LAMA4: variants seen among roughly 807,000 people sequenced by gnomAD.
LAMA4 encodes the protein laminin subunit alpha 4.
Under a neutral mutation model 207.1 loss-of-function variants are expected in LAMA4, and 127 were observed. The observed-to-expected ratio is 0.61, with a 90% CI of 0.53 to 0.71. LAMA4 has a LOEUF of 0.71. Ranked by LOEUF, LAMA4 falls within the 30% of genes least tolerant of loss-of-function variation. The pLI is 0.00. For synonymous variants in LAMA4, 761 were observed against 816.0 expected (o/e 0.93, Z 1.15); for missense variants, 2,093 against 2,246.5 (o/e 0.93, Z 1.38).
chr6:112,114,792 G>T (rs781980492), intron 36 of LAMA4, 36 bp from the exon 37 acceptor site: 1 of 1,396,872 alleles, frequency 7.2e-7, no homozygotes, highest in Non-Finnish European at 1.0e-6. Context: ...GATTTAGTTT[G>T]TCCTCATTGT....
intron 31 of LAMA4, among the ~76,000 whole-genome samples, chr6:112,126,780 T>TA (rs1778716692): frequency 6.6e-6 from 1 of 152,202 alleles, no homozygotes; most frequent in African/African-American, 2.4e-5. Context: ...AAATGCAAAC[T>TA]AAAACCTCAA....
intron 2 of LAMA4, among the ~76,000 whole-genome samples, chr6:112,221,038 G>A (rs775267469): frequency 5.5e-4 from 84 of 152,004 alleles, no homozygotes; most frequent in Non-Finnish European, 1.1e-3. Context: ...TTACATACTC[G>A]AATAGATCTT....
intron 9 of LAMA4, among the ~76,000 whole-genome samples, chr6:112,184,237 T>A (rs73538594): frequency 0.055 from 8,339 of 151,612 alleles, 578 homozygotes; most frequent in African/African-American, 0.16. Context: ...TTTTTGTTGA[T>A]CATGAGAATT....
Position 112,109,598 on chromosome 6 carries a change from A to T in LAMA4, c.5327-16T>A. The T allele has an allele frequency of 6.2e-7, 1 of 1,613,994 alleles. No homozygotes were observed. Among genetic ancestry groups the T allele is most frequent in the Non-Finnish European group, 8.5e-7 (1 of 1,179,904 alleles). The stretch of plus-strand genomic sequence containing the variant: ...AGTAGAGATTCTGAAAAGAGCAAGA[A>T]ATAAAAACAAAGATTGCAATTGAGG... On this transcript the variant is annotated splice_polypyrimidine_tract_variant and intron_variant, in intron 38 of 38. Transcript: ENST00000230538.
intron 19 of LAMA4, among the ~76,000 whole-genome samples, chr6:112,143,284 C>CTTTTT (rs61620762): frequency 4.8e-5 from 6 of 124,886 alleles, no homozygotes; most frequent in African/African-American, 1.3e-4. Context: ...AAAACTAATA[C>CTTTTT]TTTTTTTTTT....
At chr6:112,154,270 A>G (rs1302852829) in intron 16 of LAMA4, among the ~76,000 whole-genome samples, 1 of 151,482 alleles carries the variant, frequency 6.6e-6, no homozygotes, top group African/African-American at 2.4e-5. Flanking sequence ...ACTTCAGCAG[A>G]TGCAAACACT....
chr6:112,238,804 T>A (rs782160331), intron 2 of LAMA4, among the ~76,000 whole-genome samples: 1 of 152,220 alleles, frequency 6.6e-6, no homozygotes, highest in Non-Finnish European at 1.5e-5. Flanking sequence ...TTGCTTAAAG[T>A]TAAAACAGGG....
intron 13 of LAMA4, among the ~76,000 whole-genome samples, chr6:112,162,868 A>G (rs1228751811): frequency 6.6e-6 from 1 of 151,458 alleles, no homozygotes; most frequent in African/African-American, 2.4e-5. Flanking sequence ...AGCTAGGGAG[A>G]GAGTATAGGT....
intron 31 of LAMA4, 59 bp from the exon 32 acceptor site, chr6:112,122,260 T>C: frequency 8.2e-7 from 1 of 1,226,598 alleles, no homozygotes; most frequent in East Asian, 2.4e-5. Flanking sequence ...AAAAGTAATT[T>C]GTGATGTCCT....
At chr6:112,246,529 T>C in intron 2 of LAMA4, among the ~76,000 whole-genome samples, 1 of 151,648 alleles carries the variant, frequency 6.6e-6, no homozygotes, top group East Asian at 1.9e-4. Flanking sequence ...GCTTTTTTTT[T>C]TTTTTTTTTG....
rs1554334982 is a variant in LAMA4, at chr6:112,148,248, G to T, written c.2262C>A (p.Pro754=). ...TTMEVQQATA[P]MANNLTNWSQ... ...ACCAGTTGGTTAGATTGTTGGCCAT[G>T]GGGGCAGTGGCCTGCTGCACCTCCA... The change falls in exon 18 of 39, where the codon CCC becomes CCA. Residue 754 remains proline, a synonymous_variant. Transcript: ENST00000230538. 2 of 1,614,094 alleles carry T rather than the reference G, an allele frequency of 1.2e-6. No homozygotes were observed. The highest frequency in any genetic ancestry group is 2.2e-5 in the East Asian group (1 of 44,880).
chr6:112,119,095 T>C, intron 34 of LAMA4, 61 bp downstream of exon 34: 1 of 1,546,878 alleles, frequency 6.5e-7, no homozygotes, highest in East Asian at 2.2e-5. Context: ...GACGAGGGCC[T>C]CAATTAGATG....
chr6:112,134,704 T>A, intron 25 of LAMA4, 95 bp from the exon 26 acceptor site: 1 of 972,694 alleles, frequency 1.0e-6, no homozygotes, highest in Non-Finnish European at 1.6e-6. Flanking sequence ...GTATACTAGC[T>A]GTTCTTCCAT....
Position 112,142,191 on chromosome 6 carries a change from C to A in LAMA4, c.2595G>T (p.Met865Ile), listed in dbSNP as rs200303850. 6 of 1,614,124 alleles carry A rather than the reference C, an allele frequency of 3.7e-6. No individual in the cohort carries two copies. In the East Asian group the frequency reaches 8.9e-5, roughly 24 times the overall value. The stretch of plus-strand genomic sequence containing the variant: ...GTTCCGGCCGCTTCACAGGGGGTTT[C>A]ATGTACAGGCTCAGAGACGTGAAGG... ...LKAFTSLSLYMKPPVKRPELT... is the reference protein window; with the variant it reads ...LKAFTSLSLYIKPPVKRPELT... The change falls in exon 20 of 39, where the codon ATG (methionine) becomes ATT (isoleucine). Residue 865 changes from methionine (M) to isoleucine (I), a missense_variant. Met to Ile is a conservative substitution (Grantham distance 10, BLOSUM62 1). This residue lies in a region of LAMA4 where 1,704 missense variants were observed against 1,788.4 expected (regional missense o/e 0.95). Transcript: ENST00000230538.
chr6:112,203,873 A>G (rs79813793), intron 4 of LAMA4, among the ~76,000 whole-genome samples: 2,072 of 152,296 alleles, frequency 0.014, 51 homozygotes, highest in African/African-American at 0.047. Context: ...ATATGCATCT[A>G]GATTTAGAGC....
Position 112,108,141 on chromosome 6 carries a change from T to C in LAMA4, c.*1296A>G, listed in dbSNP as rs114196782. Among the ~76,000 whole-genome samples the C allele has an allele frequency of 3.7e-4, 56 of 152,274 alleles. No individual in the cohort carries two copies. Among genetic ancestry groups the C allele is most frequent in the African/African-American group, 1.3e-3 (53 of 41,552 alleles). ...ATCATTTCAAGGTAACATTGTTTTA[T>C]TCCCCTTGGTAATTCCTCAAAATAT... On this transcript the variant is annotated 3_prime_UTR_variant, in exon 39 of 39. Coordinates refer to ENST00000230538, the MANE Select transcript of LAMA4 (RefSeq NM_001105206.3).
intron 6 of LAMA4, among the ~76,000 whole-genome samples, chr6:112,190,943 CT>C (rs1562714743): frequency 9.4e-5 from 4 of 42,394 alleles, no homozygotes; most frequent in African/African-American, 2.0e-4. Flanking sequence ...TTCTTTCTTT[CT>C]TTCCTTTCTT....
At chr6:112,241,493 A>G (rs1181589102) in intron 2 of LAMA4, among the ~76,000 whole-genome samples, 1 of 152,072 alleles carries the variant, frequency 6.6e-6, no homozygotes, top group African/African-American at 2.4e-5. Flanking sequence ...TTAGAGGGTC[A>G]TTATAATGTG....
In LAMA4 at chr6:112,118,635, AAAT is replaced by A. The variant is rs1336818003; in HGVS notation, c.4821+518_4821+520del. ...AATATTTTTAATTTTTAAATTACACAAATAATATTTTTCTACTATATTCTCACT... is the reference window on the plus strand; with the variant it reads ...AATATTTTTAATTTTTAAATTACACAAATATTTTTCTACTATATTCTCACT... On this transcript the variant is annotated intron_variant, in intron 34 of 38. Transcript: ENST00000230538. This position sits in a 1 kb window ranked among gnomAD's most constrained non-coding sequence, Gnocchi z 4.6. Among the ~76,000 whole-genome samples, 1 of 152,180 alleles carries A rather than the reference AAAT, an allele frequency of 6.6e-6. No individual in the cohort carries two copies. The highest frequency in any genetic ancestry group is 1.9e-4 in the East Asian group (1 of 5,190).
Sources: gnomAD v4.1 joint callset for allele counts (sites outside exome capture counted in the v4.1 genomes callset) on GRCh38, gnomAD v4.1.1 for gene constraint, gnomAD v4.1.1 regional missense constraint, Gnocchi (gnomAD v3.1) non-coding constraint, MANE v1.5 for transcripts, NCBI Gene and HGNC (gene_info 2026-07-23, HGNC 2026-07-21) for gene names.